FGGY: variants seen among roughly 807,000 people sequenced by gnomAD.
The protein encoded by FGGY is FGGY carbohydrate kinase domain-containing protein.
FGGY carries 72 observed loss-of-function variants against 71.3 expected under a neutral mutation model. The ratio of observed to expected loss-of-function variants is 1.01; its 90% CI spans 0.84 to 1.23. The LOEUF (loss-of-function observed/expected upper bound fraction) is 1.23, where lower values mean the gene tolerates loss of function less well. Ranked by LOEUF, FGGY falls within the 50% of genes most tolerant of loss-of-function variation. The pLI, the probability that FGGY is intolerant of heterozygous loss-of-function variation, is 0.00. For synonymous variants in FGGY, 251 were observed against 250.3 expected (o/e 1.00, Z -0.02); for missense variants, 668 against 682.3 (o/e 0.98, Z 0.23).
intron 11 of FGGY, among the ~76,000 whole-genome samples, chr1:59,638,686 T>A (rs1040812954): frequency 1.3e-5 from 2 of 152,204 alleles, no homozygotes; most frequent in African/African-American, 4.8e-5. Flanking sequence ...TAAAGTCAAA[T>A]TTTCCAGCTG....
intron 13 of FGGY, among the ~76,000 whole-genome samples, chr1:59,668,916 G>A (rs528845945): frequency 6.6e-6 from 1 of 151,540 alleles, no homozygotes; most frequent in African/African-American, 2.4e-5. Context: ...GCTTGAACCT[G>A]GGAGGCGGAG....
intron 11 of FGGY, among the ~76,000 whole-genome samples, chr1:59,645,061 T>C (rs1218228758): frequency 2.0e-5 from 3 of 152,236 alleles, no homozygotes; most frequent in Admixed American, 6.5e-5. Context: ...GTTATTTTTA[T>C]TTTAAATGTT....
intron 6 of FGGY, among the ~76,000 whole-genome samples, chr1:59,503,726 T>A (rs570963404): frequency 6.7e-6 from 1 of 150,050 alleles, no homozygotes; most frequent in South Asian, 2.1e-4. Flanking sequence ...AACATGAGAG[T>A]TAGCAGGAAT....
chr1:59,562,486 A>T (rs889322145), intron 8 of FGGY, among the ~76,000 whole-genome samples: 2 of 152,122 alleles, frequency 1.3e-5, no homozygotes, highest in African/African-American at 4.8e-5. Context: ...GCTTTGTTTC[A>T]CCTGACTTTG....
At position 59,421,770 on chromosome 1, in the gene FGGY, A is replaced by G. The variant is rs564813431; in HGVS notation, c.555-35191A>G. Among the ~76,000 whole-genome samples the G allele has an allele frequency of 7.5e-4, 114 of 152,198 alleles. 1 individual carries two copies. Among genetic ancestry groups the G allele is most frequent in the Admixed American group, 2.6e-3 (40 of 15,282 alleles). ...TTGTAGATGTTTAGGGCATGCCTTG[A>G]CCTCTGAGTAGCCTTCTTGGGCTTG... On this transcript the variant is annotated intron_variant, in intron 5 of 15. Transcript: ENST00000303721.
chr1:59,588,154 C>T (rs1220412211), intron 8 of FGGY, among the ~76,000 whole-genome samples: 1 of 152,098 alleles, frequency 6.6e-6, no homozygotes, highest in African/African-American at 2.4e-5. Context: ...AATGCAGAAG[C>T]CTCAGGAGCC....
intron 8 of FGGY, among the ~76,000 whole-genome samples, chr1:59,591,933 A>T (rs2096449022): frequency 6.6e-6 from 1 of 152,354 alleles, no homozygotes; most frequent in Non-Finnish European, 1.5e-5. Context: ...GCCAAAATTG[A>T]CAAATGGGAT....
chr1:59,392,922 G>C, intron 5 of FGGY, among the ~76,000 whole-genome samples: 1 of 152,048 alleles, frequency 6.6e-6, no homozygotes, highest in East Asian at 1.9e-4. Flanking sequence ...GCCAAAAACT[G>C]CATTCACCAA....
At chr1:59,537,608 TA>T (rs1228147924) in intron 7 of FGGY, among the ~76,000 whole-genome samples, 4 of 152,140 alleles carry the variant, frequency 2.6e-5, no homozygotes, top group Non-Finnish European at 5.9e-5. Flanking sequence ...ACTACAAGGG[TA>T]CAGTAACCAA....
chr1:59,323,160 C>G (rs1301584115), intron 2 of FGGY, among the ~76,000 whole-genome samples: 1 of 152,202 alleles, frequency 6.6e-6, no homozygotes, highest in Non-Finnish European at 1.5e-5. Context: ...ACTCTTTGCA[C>G]TTGGGCCTTC....
intron 1 of FGGY, among the ~76,000 whole-genome samples, chr1:59,319,950 C>T (rs543218652): frequency 6.6e-6 from 1 of 152,102 alleles, no homozygotes; most frequent in Non-Finnish European, 1.5e-5. Flanking sequence ...TTGTTTTCTT[C>T]AAATAATGGC....
chr1:59,353,981 G>A (rs569472757), intron 4 of FGGY, among the ~76,000 whole-genome samples: 88 of 152,288 alleles, frequency 5.8e-4, no homozygotes, highest in South Asian at 3.9e-3. Context: ...GAGCTAAAGC[G>A]TATGTAGTGC....
At chr1:59,538,013 A>G (rs2095363013) in intron 7 of FGGY, among the ~76,000 whole-genome samples, 1 of 152,186 alleles carries the variant, frequency 6.6e-6, no homozygotes, top group Admixed American at 6.5e-5. Flanking sequence ...TCATTAAACT[A>G]AAGAGCTTCT....
At chr1:59,699,362 AGT>A in intron 14 of FGGY, 3 of 985,384 alleles carry the variant, frequency 3.0e-6, no homozygotes, top group Non-Finnish European at 3.6e-6. Flanking sequence ...AGTTATTGAA[AGT>A]GTTTCATATT....
At chr1:59,328,636 CCTAT>C (rs2047876439) in intron 2 of FGGY, among the ~76,000 whole-genome samples, 1 of 152,210 alleles carries the variant, frequency 6.6e-6, no homozygotes, top group Non-Finnish European at 1.5e-5. Context: ...GTGCAAGAGG[CCTAT>C]CTTTTTGCCA....
At chr1:59,745,591 T>C (rs2098189610) in intron 14 of FGGY, among the ~76,000 whole-genome samples, 1 of 152,192 alleles carries the variant, frequency 6.6e-6, no homozygotes, top group African/African-American at 2.4e-5. Context: ...TGAGTTGCAG[T>C]CTCCCATTGG....
chr1:59,723,980 T>C (rs1353030644), intron 14 of FGGY, among the ~76,000 whole-genome samples: 2 of 147,678 alleles, frequency 1.4e-5, no homozygotes, highest in Non-Finnish European at 3.0e-5. Flanking sequence ...CTGGCCAGCA[T>C]GGCAAAACCC....
chr1:59,603,573 A>G (rs2096597255), intron 8 of FGGY, among the ~76,000 whole-genome samples: 1 of 152,192 alleles, frequency 6.6e-6, no homozygotes. Flanking sequence ...CATTCCTCCC[A>G]TTTTGGAGTT....
At chr1:59,532,813 G>T (rs1222655261) in intron 7 of FGGY, among the ~76,000 whole-genome samples, 2 of 151,826 alleles carry the variant, frequency 1.3e-5, no homozygotes, top group Non-Finnish European at 2.9e-5. Flanking sequence ...ATAAGAATTA[G>T]AAAGAAAGAA....
Sources: allele counts gnomAD v4.1 joint callset (sites outside exome capture counted in the v4.1 genomes callset), GRCh38; gene constraint gnomAD v4.1.1; transcripts MANE v1.5; gene names NCBI Gene and HGNC (gene_info 2026-07-23, HGNC 2026-07-21).